The following RAP1GAP2 variants were observed in gnomAD, a reference collection of about 807,000 sequenced individuals.
RAP1GAP2 encodes RAP1 GTPase activating protein 2, also known as rap1 GTPase-activating protein 2.
Under a neutral mutation model 95.0 loss-of-function variants are expected in RAP1GAP2, and 27 were observed. The observed-to-expected ratio is 0.28, with a 90% CI of 0.21 to 0.39. The LOEUF (loss-of-function observed/expected upper bound fraction) is 0.39. Among genes scored for constraint, RAP1GAP2 ranks in the 10% least tolerant of loss-of-function variants. The pLI, the probability that RAP1GAP2 is intolerant of heterozygous loss-of-function variation, is 1.00. For synonymous variants in RAP1GAP2, 373 were observed against 380.9 expected, an observed-to-expected ratio of 0.98 and a Z score of 0.24; for missense variants, 771 against 970.0, an observed-to-expected ratio of 0.79 and a Z score of 2.72.
chr17:2,791,295 C>T (rs1016280074), intron 1 of RAP1GAP2, among the ~76,000 whole-genome samples: 1 of 152,192 alleles, frequency 6.6e-6, no homozygotes, highest in Admixed American at 6.6e-5. Flanking sequence ...TTGCCCCAGG[C>T]TGGTCCCCGA....
At position 2,871,703 on chromosome 17, in the gene RAP1GAP2, T is replaced by C. The variant is rs1169845702; in HGVS notation, c.81-33581T>C. Among the ~76,000 whole-genome samples, 1 of 152,194 alleles carries C rather than the reference T, an allele frequency of 6.6e-6. No homozygotes were observed. The highest frequency in any genetic ancestry group is 1.5e-5 in the Non-Finnish European group (1 of 68,032). On this transcript the variant is annotated intron_variant, in intron 2 of 24. Coordinates refer to ENST00000254695, the MANE Select transcript of RAP1GAP2 (RefSeq NM_015085.5). This position sits in a 1 kb window ranked among gnomAD's most constrained non-coding sequence, Gnocchi z 5.0. ...GTACCATCCCATGGGCAGTACAGTT[T>C]GGCAGTAGCTGTCTCCATTATCCAT...
chr17:2,856,728 C>T (rs1335761086), intron 2 of RAP1GAP2, among the ~76,000 whole-genome samples: 2 of 152,148 alleles, frequency 1.3e-5, no homozygotes, highest in Non-Finnish European at 2.9e-5. Flanking sequence ...CCCATGGAGT[C>T]CTTTATTTCT....
At chr17:2,982,828 G>A (rs2165888) in intron 10 of RAP1GAP2, among the ~76,000 whole-genome samples, 43,434 of 152,000 alleles carry the variant, frequency 0.29, 6,657 homozygotes, top group South Asian at 0.5. Context: ...GGTCATAATG[G>A]AAGAGCAGCT....
chr17:2,934,330 C>T (rs1348533254), intron 3 of RAP1GAP2, among the ~76,000 whole-genome samples: 2 of 152,148 alleles, frequency 1.3e-5, no homozygotes, highest in Admixed American at 1.3e-4. Context: ...GGGGGTTTCA[C>T]CATGTTGACC....
intron 2 of RAP1GAP2, among the ~76,000 whole-genome samples, chr17:2,851,619 C>G (rs773116540): frequency 2.0e-5 from 3 of 152,088 alleles, no homozygotes; most frequent in Non-Finnish European, 2.9e-5. Flanking sequence ...TGGGGGACAG[C>G]CTTGTGTTTG....
At chr17:2,981,380 C>T in intron 10 of RAP1GAP2, 132 bp downstream of exon 10, 1 of 800,766 alleles carries the variant, frequency 1.2e-6, no homozygotes, top group South Asian at 1.8e-5. Flanking sequence ...TCCATGTCTC[C>T]CTCTCTCCCT....
At chr17:2,838,057 C>T (rs2071219085) in intron 2 of RAP1GAP2, among the ~76,000 whole-genome samples, 1 of 105,840 alleles carries the variant, frequency 9.4e-6, no homozygotes, top group Non-Finnish European at 1.7e-5. Context: ...CTCGCCTTAT[C>T]ACCCAGGCTG....
chr17:2,941,137 C>A (rs2043480586), intron 3 of RAP1GAP2, among the ~76,000 whole-genome samples: 1 of 152,214 alleles, frequency 6.6e-6, no homozygotes, highest in Non-Finnish European at 1.5e-5. Flanking sequence ...AACGGTGGCT[C>A]ACGCCTGTAA....
chr17:2,891,383 C>T (rs1303705167), intron 2 of RAP1GAP2, among the ~76,000 whole-genome samples: 1 of 151,744 alleles, frequency 6.6e-6, no homozygotes, highest in Non-Finnish European at 1.5e-5. Context: ...TCAACCAATC[C>T]TCCCGCCTTG....
chr17:2,999,084 T>G (rs1267977972), intron 14 of RAP1GAP2, among the ~76,000 whole-genome samples: 2 of 152,192 alleles, frequency 1.3e-5, no homozygotes, highest in African/African-American at 4.8e-5. Context: ...CACCTGGGTC[T>G]GAACCTCCCA....
chr17:3,020,721 C>G (rs2046932089), intron 19 of RAP1GAP2, 126 bp downstream of exon 19: 1 of 741,018 alleles, frequency 1.3e-6, no homozygotes, highest in South Asian at 1.8e-5. Flanking sequence ...GATGGCTCTG[C>G]CTTCAGGCAC....
rs569602713 is a variant in RAP1GAP2, at chr17:3,027,320, C to A, written c.2107+250C>A. ...GAAGGCCTTGTGGGAGATCCCACAG[C>A]GGAGGAGTCGGGATTGGCAGTGGGA... On this transcript the variant is annotated intron_variant, in intron 22 of 24. Coordinates refer to ENST00000254695, the MANE Select transcript of RAP1GAP2 (RefSeq NM_015085.5). The surrounding 1 kb of genome is among the most constrained non-coding windows in gnomAD (Gnocchi z 5.2). Among the ~76,000 whole-genome samples, 1 of 152,220 alleles carries A rather than the reference C, an allele frequency of 6.6e-6. No homozygotes were observed. The highest frequency in any genetic ancestry group is 2.4e-5 in the African/African-American group (1 of 41,462).
At chr17:2,950,587 C>T (rs1289899610) in intron 3 of RAP1GAP2, among the ~76,000 whole-genome samples, 1 of 149,108 alleles carries the variant, frequency 6.7e-6, no homozygotes, top group East Asian at 2.0e-4. Flanking sequence ...GCGCTGAAGT[C>T]AGGAACTATT....
intron 2 of RAP1GAP2, among the ~76,000 whole-genome samples, chr17:2,829,507 A>G (rs971833866): frequency 2.0e-5 from 3 of 152,226 alleles, no homozygotes; most frequent in Admixed American, 6.5e-5. Context: ...GCTCACCTCC[A>G]GCCCCTCTAG....
chr17:2,815,767 C>G (rs993441170), intron 2 of RAP1GAP2, among the ~76,000 whole-genome samples: 1 of 152,168 alleles, frequency 6.6e-6, no homozygotes, highest in Admixed American at 6.5e-5. Context: ...CAGGCGCGAG[C>G]CACCGCACCC....
intron 2 of RAP1GAP2, among the ~76,000 whole-genome samples, chr17:2,891,647 T>C (rs1238730346): frequency 6.6e-6 from 1 of 151,590 alleles, no homozygotes; most frequent in African/African-American, 2.4e-5. Flanking sequence ...TTTTTTGAGC[T>C]CTTGCATATT....
At chr17:3,013,026 G>C (rs981632465) in intron 17 of RAP1GAP2, among the ~76,000 whole-genome samples, 1 of 152,242 alleles carries the variant, frequency 6.6e-6, no homozygotes, top group Non-Finnish European at 1.5e-5. Flanking sequence ...TGGAGCAGAG[G>C]ACCGGGGAGG....
chr17:2,880,740 T>G (rs927283158), intron 2 of RAP1GAP2, among the ~76,000 whole-genome samples: 1 of 152,188 alleles, frequency 6.6e-6, no homozygotes, highest in African/African-American at 2.4e-5. Context: ...TTATCTGACA[T>G]GCTTGGGACC....
rs200592043 is a variant in RAP1GAP2 at position 2,819,904 on chromosome 17, G to C, written c.80+19354G>C. ...GGGCTCAAGTGATTCTCCAACCTCA[G>C]CCTCCCACGTGGTTGGGACTACAGC... On this transcript the variant is annotated intron_variant, in intron 2 of 24. Transcript: ENST00000254695. Among the ~76,000 whole-genome samples the C allele has an allele frequency of 2.0e-5, 3 of 150,664 alleles. No homozygotes were observed. The East Asian group carries it at 5.9e-4, about 29-fold the overall frequency.
Sources: gnomAD v4.1 joint callset for allele counts (sites outside exome capture counted in the v4.1 genomes callset) on GRCh38, gnomAD v4.1.1 for gene constraint, Gnocchi (gnomAD v3.1) non-coding constraint, MANE v1.5 for transcripts, NCBI Gene and HGNC (gene_info 2026-07-23, HGNC 2026-07-21) for gene names.